The following REEP1 variants were observed in gnomAD, a reference collection of about 807,000 sequenced individuals.
The protein encoded by REEP1 is receptor accessory protein 1, also known as receptor expression-enhancing protein 1.
A neutral mutation model predicts 40.3 loss-of-function variants in REEP1; 22 were observed. The observed-to-expected ratio is 0.55, with a 90% confidence interval of 0.39 to 0.78. The LOEUF (loss-of-function observed/expected upper bound fraction) is 0.78, where lower values mean the gene tolerates loss of function less well. Among genes scored for constraint, REEP1 ranks in the 30% least tolerant of loss-of-function variants. The probability of loss-of-function intolerance (pLI) is 0.00; values close to 1 mark genes in which losing one functional copy is unlikely to be tolerated. For missense variants in REEP1, 280 were observed against 361.1 expected, an observed-to-expected ratio of 0.78 and a Z score of 1.82; for synonymous variants, 116 against 139.2, an observed-to-expected ratio of 0.83 and a Z score of 1.17.
chr2:86,232,005 C>A (rs1446276042), intron 6 of REEP1, among the ~76,000 whole-genome samples: 1 of 152,144 alleles, frequency 6.6e-6, no homozygotes, highest in Non-Finnish European at 1.5e-5. Flanking sequence ...GCGTGTGACA[C>A]CAGAGTCAGA....
At chr2:86,318,895 C>A (rs1475078660) in intron 1 of REEP1, among the ~76,000 whole-genome samples, 3 of 152,138 alleles carry the variant, frequency 2.0e-5, no homozygotes, top group African/African-American at 7.2e-5. Context: ...ATTTTTCGTA[C>A]TGTTCTTTCA....
chr2:86,331,735 T>C (rs1026206878), intron 1 of REEP1, among the ~76,000 whole-genome samples: 3 of 152,010 alleles, frequency 2.0e-5, no homozygotes, highest in Non-Finnish European at 4.4e-5. Context: ...TAACAGATGC[T>C]CTCTGTTTAC....
intron 2 of REEP1, among the ~76,000 whole-genome samples, chr2:86,275,095 T>C (rs1677682745): frequency 6.6e-6 from 1 of 152,176 alleles, no homozygotes; most frequent in Non-Finnish European, 1.5e-5. Context: ...CTCTTGCATC[T>C]GGGCCCTGCG....
intron 7 of REEP1, among the ~76,000 whole-genome samples, chr2:86,221,005 C>T (rs1229320089): frequency 6.6e-6 from 1 of 152,148 alleles, no homozygotes; most frequent in Non-Finnish European, 1.5e-5. Flanking sequence ...TTCTATGCTG[C>T]ATCTATTGTT....
chr2:86,278,355 A>T (rs1338675967), intron 2 of REEP1, among the ~76,000 whole-genome samples: 2 of 152,162 alleles, frequency 1.3e-5, no homozygotes, highest in African/African-American at 4.8e-5. Flanking sequence ...CAGTGTTCGG[A>T]ATGCTGAATA....
intron 1 of REEP1, among the ~76,000 whole-genome samples, chr2:86,293,766 G>A (rs760811832): frequency 3.3e-5 from 5 of 152,144 alleles, no homozygotes; most frequent in South Asian, 2.1e-4. Flanking sequence ...GGTCTTATAC[G>A]TTTAGTTACT....
intron 2 of REEP1, among the ~76,000 whole-genome samples, chr2:86,280,682 G>C (rs1286287411): frequency 1.3e-5 from 2 of 152,224 alleles, no homozygotes; most frequent in Non-Finnish European, 2.9e-5. Flanking sequence ...ATATACCACA[G>C]ACCCAGTCTC....
intron 7 of REEP1, among the ~76,000 whole-genome samples, chr2:86,226,468 CTTTTT>C (rs745419771): frequency 8.0e-5 from 2 of 24,866 alleles, no homozygotes; most frequent in Admixed American, 7.3e-4. Context: ...TTTTTCTTTT[CTTTTT>C]TTTTTTTTTT....
At chr2:86,319,715 AAAG>A (rs1680197453) in intron 1 of REEP1, among the ~76,000 whole-genome samples, 1 of 152,282 alleles carries the variant, frequency 6.6e-6, no homozygotes, top group East Asian at 1.9e-4. Flanking sequence ...AACGAAAAAA[AAAG>A]AAGAAAAGAA....
chr2:86,253,335 G>C (rs114565128), intron 4 of REEP1, among the ~76,000 whole-genome samples: 4 of 151,670 alleles, frequency 2.6e-5, no homozygotes, highest in Admixed American at 6.6e-5. Flanking sequence ...TTCAGAGTTC[G>C]GTAAGACAAT....
chr2:86,227,168 T>C (rs1674752661), intron 7 of REEP1, among the ~76,000 whole-genome samples, 195 bp downstream of exon 7: 1 of 152,206 alleles, frequency 6.6e-6, no homozygotes, highest in African/African-American at 2.4e-5. Context: ...AACCACCCAG[T>C]TAAGCTGCTC....
chr2:86,295,401 C>T (rs1678930008), intron 1 of REEP1, among the ~76,000 whole-genome samples: 2 of 152,216 alleles, frequency 1.3e-5, no homozygotes. Context: ...AAGGTGAGGT[C>T]CTCCTTTGGA....
intron 3 of REEP1, among the ~76,000 whole-genome samples, chr2:86,256,270 C>T (rs1332660205): frequency 6.6e-6 from 1 of 150,940 alleles, no homozygotes; most frequent in East Asian, 1.9e-4. Context: ...ATTGCTCGAA[C>T]CCAGGAGTTG....
rs199717514 is a variant in REEP1, at chr2:86,226,463, C to CT, written c.631+899dup. Among the ~76,000 whole-genome samples, 22 of 28,962 alleles carry CT rather than the reference C, an allele frequency of 7.6e-4. 1 individual carries two copies. Among genetic ancestry groups the CT allele is most frequent in the East Asian group, 2.0e-3 (1 of 498 alleles). 19.0% of individuals were successfully genotyped at this position (28,962 alleles called of 152,430 possible). A position where few individuals can be genotyped will look rare whatever the true frequency, so the allele number is the denominator to read the frequency against. ...AAGTATGACCCTGTTGTGGCTTTTT[C>CT]TTTTCTTTTTTTTTTTTTTTTTTTG... On this transcript the variant is annotated intron_variant, in intron 7 of 8. Coordinates refer to ENST00000538924, the MANE Select transcript of REEP1 (RefSeq NM_001371279.1).
At chr2:86,260,363 G>A (rs1186069539) in intron 3 of REEP1, among the ~76,000 whole-genome samples, 2 of 152,192 alleles carry the variant, frequency 1.3e-5, no homozygotes, top group Non-Finnish European at 2.9e-5. Context: ...GGGAGCAGAA[G>A]AGGCCTCCAC....
At chr2:86,318,492 G>A (rs529944726) in intron 1 of REEP1, among the ~76,000 whole-genome samples, 4 of 149,792 alleles carry the variant, frequency 2.7e-5, no homozygotes, top group Non-Finnish European at 3.0e-5. Flanking sequence ...TCCGCCTCCC[G>A]GGTTCAAGCA....
At chr2:86,228,130 G>A (rs1268528364) in intron 6 of REEP1, among the ~76,000 whole-genome samples, 1 of 152,166 alleles carries the variant, frequency 6.6e-6, no homozygotes, top group Non-Finnish European at 1.5e-5. Flanking sequence ...GCCCCATCCT[G>A]GGTGCTGAAA....
At chr2:86,230,751 A>T (rs1674965061) in intron 6 of REEP1, among the ~76,000 whole-genome samples, 1 of 152,222 alleles carries the variant, frequency 6.6e-6, no homozygotes, top group African/African-American at 2.4e-5. Flanking sequence ...AAGGGGTGTC[A>T]TTCCTTGTGT....
intron 1 of REEP1, among the ~76,000 whole-genome samples, chr2:86,324,198 C>A (rs982088614): frequency 6.6e-6 from 1 of 151,802 alleles, no homozygotes; most frequent in African/African-American, 2.4e-5. Flanking sequence ...TCAATGTAGA[C>A]TATAAAAAAT....
Sources: allele counts gnomAD v4.1 joint callset (sites outside exome capture counted in the v4.1 genomes callset), GRCh38; gene constraint gnomAD v4.1.1; transcripts MANE v1.5; gene names NCBI Gene and HGNC (gene_info 2026-07-23, HGNC 2026-07-21).